The following GPRC6A variants were observed in gnomAD, a reference collection of about 807,000 sequenced individuals.
GPRC6A encodes G protein-coupled receptor class C group 6 member A, also known as G protein-coupled receptor family C group 6 member A.
GPRC6A carries 54 observed loss-of-function variants against 47.0 expected under a neutral mutation model. That is an observed-to-expected ratio of 1.15 (90% CI 0.92 to 1.44). The LOEUF is 1.44. Ranked by LOEUF, GPRC6A falls within the 40% of genes most tolerant of loss-of-function variation. The pLI is 0.00. For missense variants in GPRC6A, 1,112 were observed against 1,105.5 expected, an observed-to-expected ratio of 1.01 and a Z score of -0.08; for synonymous variants, 347 against 377.1, an observed-to-expected ratio of 0.92 and a Z score of 0.93.
At chr6:116,796,966 C>CTGGT (rs1772508422) in intron 4 of GPRC6A, among the ~76,000 whole-genome samples, 1 of 152,114 alleles carries the variant, frequency 6.6e-6, no homozygotes, top group Admixed American at 6.5e-5. Context: ...ATGTGCCATG[C>CTGGT]TGGTGCGCTG....
intron 1 of GPRC6A, among the ~76,000 whole-genome samples, chr6:116,815,449 C>G (rs1773175071): frequency 6.6e-6 from 1 of 152,210 alleles, no homozygotes; most frequent in Non-Finnish European, 1.5e-5. Context: ...CACCACTGCA[C>G]TCCAGCCTGG....
At position 116,800,367 on chromosome 6, in the gene GPRC6A, C is replaced by G. The variant is rs192152234; in HGVS notation, c.1548+217G>C. Among the ~76,000 whole-genome samples, 373 of 134,696 alleles carry G rather than the reference C, an allele frequency of 2.8e-3. 3 individuals are homozygous for G. Among genetic ancestry groups the G allele is most frequent in the African/African-American group, 9.5e-3 (351 of 36,914 alleles). The allele number at this position is 134,696 out of a possible 152,430, so 88.4% of individuals were successfully genotyped here. The stretch of plus-strand genomic sequence containing the variant: ...TCTTTCCTTCTTTCTTTCTCTCTCT[C>G]CCTCCCTCCCTCCCTCTCTCTCTCT... On this transcript the variant is annotated intron_variant, in intron 4 of 5. Transcript: ENST00000310357.
chr6:116,811,482 A>G (rs1773023490), intron 1 of GPRC6A, among the ~76,000 whole-genome samples: 1 of 152,158 alleles, frequency 6.6e-6, no homozygotes, highest in African/African-American at 2.4e-5. Context: ...TAAAAAAGGA[A>G]CACAATAATT....
At chr6:116,798,257 C>T (rs773239481) in intron 4 of GPRC6A, among the ~76,000 whole-genome samples, 1 of 152,158 alleles carries the variant, frequency 6.6e-6, no homozygotes, top group African/African-American at 2.4e-5. Context: ...GGGAAGCTCT[C>T]ACTGAGGTGG....
At chr6:116,805,691 G>A (rs1772812988) in intron 3 of GPRC6A, among the ~76,000 whole-genome samples, 1 of 152,006 alleles carries the variant, frequency 6.6e-6, no homozygotes, top group African/African-American at 2.4e-5. Flanking sequence ...TCAAAGAGAA[G>A]AAAGGGAAAA....
intron 3 of GPRC6A, among the ~76,000 whole-genome samples, chr6:116,805,161 T>C (rs972000068): frequency 1.2e-4 from 19 of 152,002 alleles, no homozygotes; most frequent in African/African-American, 4.6e-4. Flanking sequence ...TAACTATATA[T>C]ATATTAAAAG....
At chr6:116,810,416 C>T (rs1433794881) in intron 1 of GPRC6A, among the ~76,000 whole-genome samples, 1 of 152,000 alleles carries the variant, frequency 6.6e-6, no homozygotes, top group East Asian at 1.9e-4. Context: ...TCTATCTCTA[C>T]AAATGCATCT....
intron 4 of GPRC6A, among the ~76,000 whole-genome samples, chr6:116,800,106 G>T (rs917939806): frequency 5.3e-5 from 8 of 152,118 alleles, no homozygotes; most frequent in Non-Finnish European, 1.0e-4. Context: ...GCAATAATCT[G>T]ATTGCCCTGC....
In GPRC6A at chr6:116,819,534, A is replaced by G. The variant is rs1024772973; in HGVS notation, c.194+9286T>C. The stretch of plus-strand genomic sequence containing the variant: ...TCTCAGACCACAGTGCAATCAAACT[A>G]GAACTCAGGATTAAGAATCTCACTC... On this transcript the variant is annotated intron_variant, in intron 1 of 5. Transcript: ENST00000310357. Among the ~76,000 whole-genome samples, 641 of 152,316 alleles carry G rather than the reference A, an allele frequency of 4.2e-3. 2 individuals carry two copies. The highest frequency in any genetic ancestry group is 4.3e-3 in the Non-Finnish European group (294 of 68,026).
chr6:116,798,302 A>G (rs1772551014), intron 4 of GPRC6A, among the ~76,000 whole-genome samples: 1 of 152,190 alleles, frequency 6.6e-6, no homozygotes, highest in African/African-American at 2.4e-5. Context: ...GAATAAGAAA[A>G]TTAACCACAT....
intron 5 of GPRC6A, among the ~76,000 whole-genome samples, chr6:116,793,716 G>T (rs572802308): frequency 7.2e-5 from 11 of 152,082 alleles, no homozygotes; most frequent in East Asian, 1.9e-4. Context: ...AAAATGAAAA[G>T]ACTCTGCCGT....
intron 1 of GPRC6A, among the ~76,000 whole-genome samples, chr6:116,812,957 A>G (rs145162860): frequency 0.014 from 2,075 of 152,294 alleles, 59 homozygotes; most frequent in African/African-American, 0.047. Context: ...ATTCCTATAC[A>G]CCAATAACAG....
At chr6:116,813,137 T>C (rs1274705768) in intron 1 of GPRC6A, among the ~76,000 whole-genome samples, 1 of 152,206 alleles carries the variant, frequency 6.6e-6, no homozygotes, top group Admixed American at 6.5e-5. Flanking sequence ...GAATATTCCA[T>C]GCTCATGGAT....
In GPRC6A at chr6:116,809,478, C is replaced by T; in HGVS notation, c.334G>A (p.Ala112Thr). Residue 112 changes from alanine (A) to threonine (T), a missense_variant, in exon 2 of 6, where the codon GCC (alanine) becomes ACC (threonine). Ala to Thr is a moderately conservative substitution (Grantham distance 58). Transcript: ENST00000310357. ...AATTTAGAAAGAAACCTCAGAGTGG[C>T]TGCCATTGCCACTGTGACTTCTGTA... ...TCTEVTVAMA[A>T]TLRFLSKFNC... 2 of 1,613,676 alleles carry T rather than the reference C, an allele frequency of 1.2e-6. No individual in the cohort carries two copies. Among genetic ancestry groups the T allele is most frequent in the Non-Finnish European group, 1.7e-6 (2 of 1,179,806 alleles).
Position 116,792,963 on chromosome 6 carries a change from G to T in GPRC6A, c.1960C>A (p.Pro654Thr). ...CTGGTTTTACATGTGAAGTCTTGTG[G>T]TTCTCCAATGAAAAAGCTCGTGCTG... Reference protein sequence around the residue: ...FASTSFFIGEPQDFTCKTRQT... With the variant: ...FASTSFFIGETQDFTCKTRQT... The change falls in exon 6 of 6, where the codon CCA (proline) becomes ACA (threonine). Residue 654 changes from proline (P) to threonine (T), a missense_variant. Physicochemically the swap from Pro to Thr is conservative, Grantham distance 38 (BLOSUM62 -1). Transcript: ENST00000310357. 3 of 1,614,070 alleles carry T rather than the reference G, an allele frequency of 1.9e-6. No homozygotes were observed. The highest frequency in any genetic ancestry group is 2.5e-6 in the Non-Finnish European group (3 of 1,179,964).
intron 3 of GPRC6A, among the ~76,000 whole-genome samples, chr6:116,804,105 A>T (rs549906909): frequency 7.9e-4 from 120 of 152,200 alleles, no homozygotes; most frequent in African/African-American, 2.8e-3. Flanking sequence ...CTCATACATC[A>T]CTTACTACCT....
chr6:116,814,344 G>A (rs1184189239), intron 1 of GPRC6A, among the ~76,000 whole-genome samples: 1 of 152,128 alleles, frequency 6.6e-6, no homozygotes, highest in Non-Finnish European at 1.5e-5. Flanking sequence ...GCAAAGACTT[G>A]CAACCAACCC....
intron 1 of GPRC6A, among the ~76,000 whole-genome samples, chr6:116,825,337 CAA>C (rs1383729483): frequency 6.6e-6 from 1 of 151,834 alleles, no homozygotes; most frequent in African/African-American, 2.4e-5. Flanking sequence ...TTAGAAATAC[CAA>C]AAGACTCCAC....
chr6:116,806,225 T>C (rs1330915990), intron 3 of GPRC6A, 145 bp downstream of exon 3: 6 of 604,276 alleles, frequency 9.9e-6, no homozygotes, highest in Non-Finnish European at 1.8e-5. Flanking sequence ...ATGATAGAAA[T>C]GCTGGTTATT....
Sources: gnomAD v4.1 joint callset for allele counts (sites outside exome capture counted in the v4.1 genomes callset) on GRCh38, gnomAD v4.1.1 for gene constraint, MANE v1.5 for transcripts, NCBI Gene and HGNC (gene_info 2026-07-23, HGNC 2026-07-21) for gene names.